Variants in PRSS54 observed in about 807,000 individuals in gnomAD.
PRSS54 encodes the protein serine protease 54, also known as inactive serine protease 54.
In PRSS54, 16 loss-of-function variants were observed where a neutral mutation model predicts 19.9. That is an observed-to-expected ratio of 0.80 (90% confidence interval 0.54 to 1.22). PRSS54 has a LOEUF of 1.22. Ranked by LOEUF, PRSS54 falls within the 50% of genes most tolerant of loss-of-function variation. The pLI, the probability that PRSS54 is intolerant of heterozygous loss-of-function variation, is 0.00. For missense variants in PRSS54, 444 were observed against 494.8 expected, an observed-to-expected ratio of 0.90 and a Z score of 0.97; for synonymous variants, 177 against 195.8, an observed-to-expected ratio of 0.90 and a Z score of 0.80.
chr16:58,284,244 G>A (rs1271513889), intron 6 of PRSS54, among the ~76,000 whole-genome samples: 2 of 152,122 alleles, frequency 1.3e-5, no homozygotes, highest in South Asian at 4.1e-4. Context: ...GGGAGTCTAG[G>A]TTCCCTAGAA....
chr16:58,280,822 G>A, intron 6 of PRSS54, 65 bp from the exon 7 acceptor site: 1 of 1,418,454 alleles, frequency 7.0e-7, no homozygotes, highest in Non-Finnish European at 9.5e-7. Context: ...ATCTATCCTT[G>A]TGCAATATAC....
chr16:58,285,554 T>C (rs890760006), intron 5 of PRSS54, among the ~76,000 whole-genome samples: 1 of 151,854 alleles, frequency 6.6e-6, no homozygotes, highest in Non-Finnish European at 1.5e-5. Flanking sequence ...CTGGGCAACA[T>C]AGCAAGACCC....
intron 3 of PRSS54, among the ~76,000 whole-genome samples, chr16:58,292,519 A>G (rs1965057786): frequency 6.6e-6 from 1 of 151,818 alleles, no homozygotes; most frequent in Non-Finnish European, 1.5e-5. Flanking sequence ...ATTGTAACAT[A>G]TAGAATTATC....
At chr16:58,285,813 G>A in intron 5 of PRSS54, 124 bp downstream of exon 5, 2 of 1,144,354 alleles carry the variant, frequency 1.7e-6, no homozygotes, top group East Asian at 2.6e-5. Flanking sequence ...AAGGGTTTCA[G>A]CCAAACTCTA....
intron 6 of PRSS54, chr16:58,283,532 T>G (rs893732999): frequency 1.3e-5 from 2 of 152,166 alleles, no homozygotes. Context: ...ACGGGCAGCA[T>G]TTTTTTCTTT....
chr16:58,280,670 A>C lies in PRSS54; in HGVS notation c.742T>G (p.Cys248Gly), dbSNP rs747810538. Residue 248 changes from cysteine to glycine, a missense_variant, in exon 7 of 7, where the codon TGC becomes GGC. Cys to Gly is a radical substitution (Grantham distance 159). Transcript: ENST00000567164. The stretch of plus-strand genomic sequence containing the variant: ...TTGGTGTACAGAAACAGGCCAGGGC[A>C]CGTCTCACCACCGAAGTTCAGGACT... ...RGVLNFGGET[C>G]PGLFLYTKVE... 1 of 1,614,134 alleles carries C rather than the reference A, an allele frequency of 6.2e-7. No homozygotes were observed. The highest frequency in any genetic ancestry group is 2.2e-5 in the East Asian group (1 of 44,872).
At position 58,280,490 on chromosome 16, in the gene PRSS54, G is replaced by A; in HGVS notation, c.922C>T (p.His308Tyr). Reference protein sequence around the residue: ...QKTYSDSELGHVGSYLQGQRR... With the variant: ...QKTYSDSELGYVGSYLQGQRR... ...TGTCCCTGCAAGTATGATCCAACAT[G>A]GCCCAGTTCAGAATCAGAATATGTC... is the stretch of plus-strand genomic sequence containing the variant. The change falls in exon 7 of 7, where the codon CAT becomes TAT. Residue 308 changes from histidine to tyrosine, a missense_variant. His to Tyr is a moderately conservative substitution (Grantham distance 83, BLOSUM62 2). Coordinates refer to ENST00000567164, the MANE Select transcript of PRSS54 (RefSeq NM_001305173.2). 1.2e-6 allele frequency: 2 copies of A among 1,614,178 alleles called. No individual in the cohort carries two copies. Among genetic ancestry groups the A allele is most frequent in the African/African-American group, 2.7e-5 (2 of 75,034 alleles).
In PRSS54 at chr16:58,280,649, T is replaced by C. The variant is rs757340916; in HGVS notation, c.763A>G (p.Thr255Ala). ...CATTTGCTGTAGTCTTCCACCTTGG[T>C]GTACAGAAACAGGCCAGGGCACGTC... is the stretch of plus-strand genomic sequence containing the variant. ...GETCPGLFLYTKVEDYSKWIT... is the reference protein window; with the variant it reads ...GETCPGLFLYAKVEDYSKWIT... The change falls in exon 7 of 7, where the codon ACC becomes GCC. Residue 255 changes from threonine to alanine, a missense_variant. Physicochemically the swap from Thr to Ala is moderately conservative, Grantham distance 58 (BLOSUM62 0). Transcript: ENST00000567164. 2 of 1,614,130 alleles carry C rather than the reference T, an allele frequency of 1.2e-6. No individual in the cohort carries two copies. The highest frequency in any genetic ancestry group is 1.7e-6 in the Non-Finnish European group (2 of 1,180,022).
intron 4 of PRSS54, among the ~76,000 whole-genome samples, chr16:58,290,191 A>T (rs1965008854): frequency 6.7e-6 from 1 of 150,348 alleles, no homozygotes; most frequent in African/African-American, 2.4e-5. Context: ...TATGTATAGC[A>T]TGTATATATA....
At chr16:58,286,702 C>G (rs1471004618) in intron 4 of PRSS54, among the ~76,000 whole-genome samples, 1 of 152,052 alleles carries the variant, frequency 6.6e-6, no homozygotes, top group Non-Finnish European at 1.5e-5. Flanking sequence ...TCTTGGGAAT[C>G]ACCCAAGAAA....
Position 58,289,811 on chromosome 16 carries a change from A to AGCCTCAGG in PRSS54, c.263+1147_263+1148insCCTGAGGC, listed in dbSNP as rs1167313216. 2.6e-5 allele frequency among the ~76,000 whole-genome samples: 4 copies of AGCCTCAGG among 152,130 alleles called. No individual in the cohort carries two copies. In the East Asian group the frequency reaches 7.7e-4, roughly 29 times the overall value. Reference sequence around the variant, plus strand: ...TGGTCTCACGAGAACTCCTGACCTCAAGTGATCCGCCCGTCTCAGCCTCCC... The same window carrying AGCCTCAGG: ...TGGTCTCACGAGAACTCCTGACCTCAGCCTCAGGAGTGATCCGCCCGTCTCAGCCTCCC... On this transcript the variant is annotated intron_variant, in intron 4 of 6. Transcript: ENST00000567164.
chr16:58,280,321 C>G lies in PRSS54; in HGVS notation c.1091G>C (p.Gly364Ala), dbSNP rs772450538. The G allele has an allele frequency of 3.1e-6, 5 of 1,614,166 alleles. No homozygotes were observed. In the South Asian group the frequency reaches 5.5e-5, roughly 18 times the overall value. ...CTGACCTGCAAAAATCCTACCTTCC[C>G]CCACCTCCCCACCGTAATAGTCATA... ...LYYDYYGGEV[G>A]EGRIFAGQNR... is the part of the protein sequence containing the mutation. Residue 364 changes from glycine (G) to alanine (A), a missense_variant, in exon 7 of 7, where the codon GGG becomes GCG. Gly to Ala is a moderately conservative substitution (Grantham distance 60). Coordinates refer to ENST00000567164, the MANE Select transcript of PRSS54 (RefSeq NM_001305173.2).
intron 4 of PRSS54, among the ~76,000 whole-genome samples, chr16:58,287,780 C>T (rs1437757402): frequency 2.6e-5 from 4 of 152,094 alleles, no homozygotes; most frequent in Non-Finnish European, 5.9e-5. Flanking sequence ...AGAAGGAATC[C>T]TTGGACATCC....
In PRSS54 at chr16:58,287,746, A is replaced by G. The variant is rs1172117687; in HGVS notation, c.264-1551T>C. On this transcript the variant is annotated intron_variant, in intron 4 of 6. Transcript: ENST00000567164. ...GTGGGGGAAATCCAGCACAACTAGT[A>G]AAGTTGCTGGACTTGAGTGACAAAG... is the stretch of plus-strand genomic sequence containing the variant. Among the ~76,000 whole-genome samples, 3 of 152,184 alleles carry G rather than the reference A, an allele frequency of 2.0e-5. No homozygotes were observed. The South Asian group carries it at 6.2e-4, about 32-fold the overall frequency.
rs142143399 is a variant in PRSS54, at chr16:58,291,089, C to T, written c.133G>A (p.Glu45Lys). 167 of 1,614,186 alleles carry T rather than the reference C, an allele frequency of 1.0e-4. No individual in the cohort carries two copies. The African/African-American group carries it at 2.1e-3, about 20-fold the overall frequency. ...AACTCCATGCTGCTGACCAAGCCCT[C>T]CTTGGGGTCAGGACCGTAGAAAACG... ...ASVFYGPDPK[E>K]GLVSSMEFPW... is the part of the protein sequence containing the mutation. The change falls in exon 4 of 7, where the codon GAG (glutamate) becomes AAG (lysine). Residue 45 changes from glutamate to lysine, a missense_variant. By Grantham distance (56) the Glu-to-Lys change is moderately conservative. Transcript: ENST00000567164.
chr16:58,280,616 A>G lies in PRSS54; in HGVS notation c.796T>C (p.Ser266Pro), dbSNP rs1964696630. 3.7e-6 allele frequency: 6 copies of G among 1,614,072 alleles called. No individual in the cohort carries two copies. Among genetic ancestry groups the G allele is most frequent in the Non-Finnish European group, 3.4e-6 (4 of 1,180,014 alleles). The change falls in exon 7 of 7, where the codon TCC becomes CCC. Residue 266 changes from serine (S) to proline (P), a missense_variant. By Grantham distance (74) the Ser-to-Pro change is moderately conservative. Transcript: ENST00000567164. ...GGAGGGCCGGCCCTCTCAGCCTTGG[A>G]TGTGATCCATTTGCTGTAGTCTTCC... Reference protein sequence around the residue: ...KVEDYSKWITSKAERAGPPLS... With the variant: ...KVEDYSKWITPKAERAGPPLS...
intron 6 of PRSS54, chr16:58,281,452 C>CA (rs1964734257): frequency 6.6e-6 from 1 of 152,368 alleles, no homozygotes; most frequent in South Asian, 2.1e-4. Context: ...ATCCTGATGT[C>CA]GCTATAAAGG....
At chr16:58,291,835 T>C (rs1965046805) in intron 3 of PRSS54, among the ~76,000 whole-genome samples, 1 of 152,228 alleles carries the variant, frequency 6.6e-6, no homozygotes, top group South Asian at 2.1e-4. Context: ...TTTGCTCTCT[T>C]CATTAATGTA....
Position 58,285,929 on chromosome 16 carries a change from G to A in PRSS54, c.522+8C>T, listed in dbSNP as rs377671962. The A allele has an allele frequency of 3.7e-6, 6 of 1,613,674 alleles. No individual in the cohort carries two copies. In the African/African-American group the frequency reaches 8.0e-5, roughly 22 times the overall value. On this transcript the variant is annotated splice_region_variant and intron_variant, in intron 5 of 6. Transcript: ENST00000567164. Reference sequence around the variant, plus strand: ...CGCAGCCTTCTCTGGGAGGAGGAATGCCTTAACTGCAGATGTGGGATTCCA... The same window carrying A: ...CGCAGCCTTCTCTGGGAGGAGGAATACCTTAACTGCAGATGTGGGATTCCA...
Sources: allele counts gnomAD v4.1 joint callset (sites outside exome capture counted in the v4.1 genomes callset), GRCh38; gene constraint gnomAD v4.1.1; transcripts MANE v1.5; gene names NCBI Gene and HGNC (gene_info 2026-07-23, HGNC 2026-07-21).